The following RAB7A variants were observed in gnomAD, a reference collection of about 807,000 sequenced individuals.
The protein encoded by RAB7A is ras-related protein Rab-7a.
RAB7A carries 2 observed loss-of-function variants against 24.5 expected under a neutral mutation model. The observed-to-expected ratio is 0.08, with a 90% CI of 0.03 to 0.26. The LOEUF (loss-of-function observed/expected upper bound fraction) is 0.26, where lower values mean the gene tolerates loss of function less well. RAB7A is among the 10% of genes least tolerant of loss of function. RAB7A has a pLI of 1.00. For synonymous variants in RAB7A, 100 were observed against 95.9 expected (o/e 1.04, Z -0.25); for missense variants, 118 against 255.7 (o/e 0.46, Z 3.67).
At chr3:128,738,207 T>G (rs79704880) in intron 1 of RAB7A, among the ~76,000 whole-genome samples, 8,110 of 152,026 alleles carry the variant, frequency 0.053, 628 homozygotes, top group African/African-American at 0.17. Context: ...TAATTTTGTT[T>G]TTTTGATAGT....
At chr3:128,764,775 G>C in intron 1 of RAB7A, 1 of 830,218 alleles carries the variant, frequency 1.2e-6, no homozygotes. Context: ...CCTGAAGGAA[G>C]ATTTGGCCAC....
At chr3:128,809,804 G>A (rs913651360) in intron 5 of RAB7A, among the ~76,000 whole-genome samples, 1 of 151,308 alleles carries the variant, frequency 6.6e-6, no homozygotes, top group African/African-American at 2.4e-5. Context: ...CGTGGCCTGT[G>A]CTAAATGCTC....
intron 1 of RAB7A, among the ~76,000 whole-genome samples, chr3:128,743,743 A>G (rs1322070981): frequency 6.6e-6 from 1 of 151,634 alleles, no homozygotes; most frequent in Non-Finnish European, 1.5e-5. Flanking sequence ...GCTTGAGCCT[A>G]TACGTTCAAT....
In RAB7A at chr3:128,810,825, G is replaced by A. The variant is rs1474839243; in HGVS notation, c.529-2502G>A. ...TCCCAGCACTTCGGGAGGCTGAGGC[G>A]GGTGGATCACCTTAGGTCAGGAGTT... On this transcript the variant is annotated intron_variant, in intron 5 of 5. Transcript: ENST00000265062. Among the ~76,000 whole-genome samples the A allele has an allele frequency of 2.6e-5, 4 of 151,494 alleles. No individual in the cohort carries two copies. In the South Asian group the frequency reaches 6.2e-4, roughly 24 times the overall value.
chr3:128,737,026 C>T (rs1235860256), intron 1 of RAB7A, among the ~76,000 whole-genome samples: 2 of 119,430 alleles, frequency 1.7e-5, no homozygotes, highest in Non-Finnish European at 3.4e-5. Context: ...ACCTTCCGAT[C>T]CTAAGAAATT....
intron 1 of RAB7A, among the ~76,000 whole-genome samples, chr3:128,749,713 G>A (rs985439798): frequency 6.6e-6 from 1 of 152,134 alleles, no homozygotes; most frequent in Non-Finnish European, 1.5e-5. Context: ...CTGCACAAGC[G>A]CTCCTCTCTT....
At chr3:128,807,754 T>C in intron 5 of RAB7A, 83 bp downstream of exon 5, 6 of 1,588,416 alleles carry the variant, frequency 3.8e-6, no homozygotes, top group Non-Finnish European at 5.2e-6. Flanking sequence ...GCCCTTAATC[T>C]TCTTCCCTAA....
intron 3 of RAB7A, chr3:128,798,982 C>A: frequency 5.4e-6 from 1 of 184,748 alleles, no homozygotes; most frequent in South Asian, 8.6e-5. Flanking sequence ...TTTTCTAGAT[C>A]TTTGAGTTGC....
chr3:128,807,128 A>G (rs1226866090), intron 4 of RAB7A, among the ~76,000 whole-genome samples: 1 of 152,200 alleles, frequency 6.6e-6, no homozygotes, highest in East Asian at 1.9e-4. Context: ...TGTGAGTGGC[A>G]TAGGTGACAT....
chr3:128,806,330 G>A (rs1933802369), intron 3 of RAB7A, 42 bp from the exon 4 acceptor site: 17 of 1,562,852 alleles, frequency 1.1e-5, no homozygotes, highest in Non-Finnish European at 1.5e-5. Context: ...CTGGTGCTCT[G>A]CCTAGCATTC....
chr3:128,745,680 TAAGAA>T (rs1379244899), intron 1 of RAB7A, among the ~76,000 whole-genome samples: 1 of 152,182 alleles, frequency 6.6e-6, no homozygotes, highest in East Asian at 1.9e-4. Flanking sequence ...ACCATCTTAT[TAAGAA>T]AAGACACAGA....
At chr3:128,761,493 G>C (rs2070775747) in intron 1 of RAB7A, among the ~76,000 whole-genome samples, 1 of 152,080 alleles carries the variant, frequency 6.6e-6, no homozygotes, top group African/African-American at 2.4e-5. Context: ...AGACTATCTT[G>C]GTCATCTTTG....
chr3:128,728,596 G>A (rs554265660), intron 1 of RAB7A, among the ~76,000 whole-genome samples: 1 of 152,276 alleles, frequency 6.6e-6, no homozygotes, highest in South Asian at 2.1e-4. Flanking sequence ...CCGAGTGGCT[G>A]GAATTACAGG....
intron 1 of RAB7A, among the ~76,000 whole-genome samples, chr3:128,735,547 G>A (rs553666162): frequency 1.1e-4 from 17 of 152,342 alleles, no homozygotes; most frequent in African/African-American, 3.6e-4. Context: ...TACATTAAGA[G>A]CTTAGTGGGC....
rs765579185 is a variant in RAB7A at position 128,759,910 on chromosome 3, A to G, written c.-9+33551A>G. Among the ~76,000 whole-genome samples, 5 of 151,994 alleles carry G rather than the reference A, an allele frequency of 3.3e-5. No individual in the cohort carries two copies. In the East Asian group the frequency reaches 5.8e-4, roughly 18 times the overall value. ...TTTTTAGTAGAGACGGGGTTTCTCCATATTGGTCAGGCTGGTCTCTAACTC... is the reference window on the plus strand; with the variant it reads ...TTTTTAGTAGAGACGGGGTTTCTCCGTATTGGTCAGGCTGGTCTCTAACTC... On this transcript the variant is annotated intron_variant, in intron 1 of 5. Transcript: ENST00000265062.
intron 1 of RAB7A, among the ~76,000 whole-genome samples, chr3:128,751,504 G>A (rs2070680611): frequency 6.6e-6 from 1 of 152,184 alleles, no homozygotes; most frequent in Non-Finnish European, 1.5e-5. Flanking sequence ...GGGGCCTGTA[G>A]CCTCTTTGTT....
chr3:128,791,751 A>G (rs13065032), intron 1 of RAB7A, among the ~76,000 whole-genome samples: 15,263 of 152,208 alleles, frequency 0.1, 815 homozygotes, highest in South Asian at 0.17. Flanking sequence ...GGAGCTGTCA[A>G]AAGAGATACT....
At chr3:128,797,796 T>G in intron 2 of RAB7A, 147 bp from the exon 3 acceptor site, 1 of 847,870 alleles carries the variant, frequency 1.2e-6, no homozygotes, top group Non-Finnish European at 1.9e-6. Flanking sequence ...AGTGTAATGC[T>G]CGGAAGGCTA....
At chr3:128,798,902 C>A in intron 3 of RAB7A, 1 of 307,034 alleles carries the variant, frequency 3.3e-6, no homozygotes. Flanking sequence ...TCCATGATGC[C>A]AGCTGAGGTT....
Sources: gnomAD v4.1 joint callset for allele counts (sites outside exome capture counted in the v4.1 genomes callset) on GRCh38, gnomAD v4.1.1 for gene constraint, MANE v1.5 for transcripts, NCBI Gene and HGNC (gene_info 2026-07-23, HGNC 2026-07-21) for gene names.